C16orf87: variants seen among roughly 807,000 people sequenced by gnomAD.
C16orf87 encodes UPF0547 protein C16orf87.
A neutral mutation model predicts 21.0 loss-of-function variants in C16orf87; 13 were observed. The observed-to-expected ratio is 0.62, with a 90% CI of 0.40 to 0.98. The LOEUF is 0.98. Among genes scored for constraint, C16orf87 ranks in the 50% least tolerant of loss-of-function variants. The pLI is 0.00. For missense variants in C16orf87, 113 were observed against 180.4 expected (o/e 0.63, Z 2.14); for synonymous variants, 49 against 60.2 (o/e 0.81, Z 0.86).
rs1305010686 is a variant in C16orf87 at position 46,801,856 on chromosome 16, C to T, written c.*1096G>A. 1.3e-5 allele frequency: 2 copies of T among 151,972 alleles called. No homozygotes were observed. Among genetic ancestry groups the T allele is most frequent in the African/African-American group, 2.4e-5 (1 of 41,346 alleles). The allele number at this position is 151,972 out of a possible 1,614,324, so 9.4% of individuals were successfully genotyped here. A position where few individuals can be genotyped will look rare whatever the true frequency, so the allele number is the denominator to read the frequency against. ...TCTAAACAGATTGGGGGAAGAGCGA[C>T]TGAAAATAAGGGGAGTGATTACCAA... On this transcript the variant is annotated 3_prime_UTR_variant, in exon 4 of 4. Transcript: ENST00000285697.
rs1379643155 is a variant in C16orf87 at position 46,802,499 on chromosome 16, T to C, written c.*453A>G. 2.0e-5 allele frequency: 3 copies of C among 152,988 alleles called. No individual in the cohort carries two copies. The highest frequency in any genetic ancestry group is 7.2e-5 in the African/African-American group (3 of 41,456). 9.5% of individuals were successfully genotyped at this position (152,988 alleles called of 1,614,324 possible). A position where few individuals can be genotyped will look rare whatever the true frequency, so the allele number is the denominator to read the frequency against. On this transcript the variant is annotated 3_prime_UTR_variant, in exon 4 of 4. Coordinates refer to ENST00000285697, the MANE Select transcript of C16orf87 (RefSeq NM_001001436.4). ...AATAAAAGTAAATGAACTGTATATA[T>C]GCAATCTGTTAGCACTGAAAATCTG...
At chr16:46,807,528 A>G (rs1425233410) in intron 3 of C16orf87, among the ~76,000 whole-genome samples, 1 of 152,208 alleles carries the variant, frequency 6.6e-6, no homozygotes, top group African/African-American at 2.4e-5. Flanking sequence ...ACTGGAACAC[A>G]GGCATGCCCA....
intron 2 of C16orf87, among the ~76,000 whole-genome samples, chr16:46,818,671 T>C (rs1279082543): frequency 5.9e-5 from 9 of 152,164 alleles, no homozygotes; most frequent in East Asian, 1.9e-4. Context: ...TTTTCTTCTA[T>C]AGTTTTTATA....
At chr16:46,827,644 G>A (rs945076539) in intron 1 of C16orf87, among the ~76,000 whole-genome samples, 2 of 151,618 alleles carry the variant, frequency 1.3e-5, no homozygotes, top group Admixed American at 6.6e-5. Context: ...GTGCAATGGC[G>A]CGATCTTGGC....
chr16:46,830,580 C>T (rs1416539932), intron 1 of C16orf87: 2 of 153,596 alleles, frequency 1.3e-5, no homozygotes, highest in Non-Finnish European at 2.9e-5. Flanking sequence ...CCCCCTTTGT[C>T]CCACTCAGGC....
chr16:46,803,611 C>G (rs1488388444), intron 3 of C16orf87, among the ~76,000 whole-genome samples: 1 of 151,812 alleles, frequency 6.6e-6, no homozygotes, highest in Non-Finnish European at 1.5e-5. Context: ...TATATTCTTC[C>G]AAGTTACTTT....
rs1287547580 is a variant in C16orf87 at position 46,796,702 on chromosome 16, A to T, written c.*6250T>A. Reference sequence around the variant, plus strand: ...ATATATGATTTTGTTAACTGAAATGATTTATTAAAATAAAATAAATGAACA... The same window carrying T: ...ATATATGATTTTGTTAACTGAAATGTTTTATTAAAATAAAATAAATGAACA... On this transcript the variant is annotated 3_prime_UTR_variant, in exon 4 of 4. Coordinates refer to ENST00000285697, the MANE Select transcript of C16orf87 (RefSeq NM_001001436.4). The T allele has an allele frequency of 9.2e-5, 14 of 152,326 alleles. No homozygotes were observed. 9.4% of individuals were successfully genotyped at this position (152,326 alleles called of 1,614,324 possible). A position where few individuals can be genotyped will look rare whatever the true frequency, so the allele number is the denominator to read the frequency against.
At chr16:46,811,881 G>A (rs1968095828) in intron 2 of C16orf87, among the ~76,000 whole-genome samples, 1 of 152,222 alleles carries the variant, frequency 6.6e-6, no homozygotes, top group South Asian at 2.1e-4. Context: ...TTGAGGCCAG[G>A]AGTTTGAGAC....
chr16:46,817,272 A>AAG (rs2143119623), intron 2 of C16orf87, among the ~76,000 whole-genome samples: 1 of 152,320 alleles, frequency 6.6e-6, no homozygotes, highest in African/African-American at 2.4e-5. Flanking sequence ...TCCACAACAG[A>AAG]AGATAGGAAA....
chr16:46,811,065 G>A (rs1462195912), intron 2 of C16orf87, among the ~76,000 whole-genome samples: 2 of 152,164 alleles, frequency 1.3e-5, no homozygotes, highest in African/African-American at 4.8e-5. Flanking sequence ...TACTCACGGG[G>A]TAACCAAAGG....
intron 3 of C16orf87, among the ~76,000 whole-genome samples, chr16:46,805,950 C>T (rs1967916919): frequency 6.6e-6 from 1 of 152,184 alleles, no homozygotes; most frequent in Non-Finnish European, 1.5e-5. Flanking sequence ...ACATGGTATC[C>T]TGGCCGTCAA....
Position 46,799,276 on chromosome 16 carries a change from A to G in C16orf87, c.*3676T>C, listed in dbSNP as rs545385441. 6.6e-6 allele frequency: 1 copy of G among 152,344 alleles called. No individual in the cohort carries two copies. The highest frequency in any genetic ancestry group is 2.1e-4 in the South Asian group (1 of 4,832). 9.4% of individuals were successfully genotyped at this position (152,344 alleles called of 1,614,324 possible). A position where few individuals can be genotyped will look rare whatever the true frequency, so the allele number is the denominator to read the frequency against. Reference sequence around the variant, plus strand: ...TGGGTTAAGGCAGCACAAAAGAATAATTTAAAAAAATAGTTCCCTAGAAAA... The same window carrying G: ...TGGGTTAAGGCAGCACAAAAGAATAGTTTAAAAAAATAGTTCCCTAGAAAA... On this transcript the variant is annotated 3_prime_UTR_variant, in exon 4 of 4. Coordinates refer to ENST00000285697, the MANE Select transcript of C16orf87 (RefSeq NM_001001436.4).
rs1967621457 is a variant in C16orf87 at position 46,796,863 on chromosome 16, T to TA, written c.*6088dup. The TA allele has an allele frequency of 6.6e-6, 1 of 152,146 alleles. No individual in the cohort carries two copies. The highest frequency in any genetic ancestry group is 1.5e-5 in the Non-Finnish European group (1 of 68,036). 9.4% of individuals were successfully genotyped at this position (152,146 alleles called of 1,614,324 possible). A position where few individuals can be genotyped will look rare whatever the true frequency, so the allele number is the denominator to read the frequency against. On this transcript the variant is annotated 3_prime_UTR_variant, in exon 4 of 4. Coordinates refer to ENST00000285697, the MANE Select transcript of C16orf87 (RefSeq NM_001001436.4). ...CATAATCTGATGAAAGGCATAAACT[T>TA]ACACATTTAAGCTCAACAAATCCCA...
intron 2 of C16orf87, among the ~76,000 whole-genome samples, chr16:46,821,792 A>G (rs946042564): frequency 6.6e-6 from 1 of 152,112 alleles, no homozygotes; most frequent in African/African-American, 2.4e-5. Flanking sequence ...GACAACTACC[A>G]TCTAGTCACT....
Position 46,797,759 on chromosome 16 carries a change from T to C in C16orf87, c.*5193A>G, listed in dbSNP as rs974887334. The C allele has an allele frequency of 6.6e-6, 1 of 152,160 alleles. No individual in the cohort carries two copies. Among genetic ancestry groups the C allele is most frequent in the Non-Finnish European group, 1.5e-5 (1 of 68,042 alleles). The allele number at this position is 152,160 out of a possible 1,614,324, so 9.4% of individuals were successfully genotyped here. A position where few individuals can be genotyped will look rare whatever the true frequency, so the allele number is the denominator to read the frequency against. On this transcript the variant is annotated 3_prime_UTR_variant, in exon 4 of 4. Transcript: ENST00000285697. ...AACTGGTAAAATATTGACTTCTAAG[T>C]GAACTGTAAAAAGTGAAGTATGTTT... is the stretch of plus-strand genomic sequence containing the variant.
chr16:46,828,879 T>G (rs1959734097), intron 1 of C16orf87, among the ~76,000 whole-genome samples: 1 of 152,222 alleles, frequency 6.6e-6, no homozygotes, highest in Non-Finnish European at 1.5e-5. Context: ...CCATTATTTT[T>G]TCACATCAGG....
At chr16:46,824,116 C>T (rs1027321143) in intron 2 of C16orf87, among the ~76,000 whole-genome samples, 4 of 152,130 alleles carry the variant, frequency 2.6e-5, no homozygotes, top group African/African-American at 9.7e-5. Context: ...CAGATCAGGT[C>T]ACTCCCTTGC....
intron 3 of C16orf87, among the ~76,000 whole-genome samples, chr16:46,804,390 G>A (rs939811204): frequency 3.3e-5 from 5 of 152,130 alleles, no homozygotes; most frequent in African/African-American, 1.2e-4. Flanking sequence ...TTTGGTAGCA[G>A]GTAACTTGTA....
At chr16:46,824,620 C>A in intron 1 of C16orf87, 138 bp from the exon 2 acceptor site, 1 of 417,066 alleles carries the variant, frequency 2.4e-6, no homozygotes, top group African/African-American at 2.1e-5. Context: ...CAACTCCTTA[C>A]AACAAATTAT....
Sources: gnomAD v4.1 joint callset for allele counts (sites outside exome capture counted in the v4.1 genomes callset) on GRCh38, gnomAD v4.1.1 for gene constraint, MANE v1.5 for transcripts, NCBI Gene and HGNC (gene_info 2026-07-23, HGNC 2026-07-21) for gene names.